KCNH1: variants seen among roughly 807,000 people sequenced by gnomAD.
KCNH1 encodes voltage-gated delayed rectifier potassium channel KCNH1.
Under a neutral mutation model 69.2 loss-of-function variants are expected in KCNH1, and 27 were observed. That is an observed-to-expected ratio of 0.39 (90% CI 0.29 to 0.54). The LOEUF (loss-of-function observed/expected upper bound fraction) is 0.54. KCNH1 is among the 20% of genes least tolerant of loss of function. KCNH1 has a pLI of 0.68. For missense variants in KCNH1, 798 were observed against 1,261.6 expected (o/e 0.63, Z 5.57); for synonymous variants, 456 against 487.7 (o/e 0.93, Z 0.86).
intron 5 of KCNH1, among the ~76,000 whole-genome samples, chr1:211,072,609 A>C (rs1343141016): frequency 6.6e-6 from 1 of 152,236 alleles, no homozygotes; most frequent in African/African-American, 2.4e-5. Flanking sequence ...GAGAGGAATT[A>C]GGAATATCTT....
At chr1:211,070,999 C>A (rs1036098790) in intron 5 of KCNH1, among the ~76,000 whole-genome samples, 1 of 152,078 alleles carries the variant, frequency 6.6e-6, no homozygotes, top group African/African-American at 2.4e-5. Flanking sequence ...GACCAGAAGC[C>A]TTACCAATAA....
At chr1:210,758,753 C>T (rs558376600) in intron 10 of KCNH1, among the ~76,000 whole-genome samples, 19 of 152,308 alleles carry the variant, frequency 1.2e-4, no homozygotes, top group Non-Finnish European at 2.2e-4. Flanking sequence ...GTGGCTCTTT[C>T]TGTTGGGGCT....
chr1:211,075,368 C>T (rs145088226), intron 5 of KCNH1, among the ~76,000 whole-genome samples: 19 of 152,336 alleles, frequency 1.2e-4, no homozygotes, highest in African/African-American at 4.1e-4. Context: ...TGCATATATT[C>T]AGAACATTCT....
intron 6 of KCNH1, among the ~76,000 whole-genome samples, chr1:210,926,918 A>G (rs1301365867): frequency 1.3e-5 from 2 of 152,188 alleles, no homozygotes; most frequent in Non-Finnish European, 2.9e-5. Context: ...GAGAAATGCA[A>G]AATGCACTGG....
chr1:210,833,384 T>TCTA (rs1466636956), intron 7 of KCNH1, among the ~76,000 whole-genome samples: 3 of 151,978 alleles, frequency 2.0e-5, no homozygotes, highest in Admixed American at 2.0e-4. Context: ...ATGCCACATA[T>TCTA]CTACCACTAT....
At chr1:210,996,530 C>G (rs898390290) in intron 6 of KCNH1, among the ~76,000 whole-genome samples, 1 of 152,252 alleles carries the variant, frequency 6.6e-6, no homozygotes, top group African/African-American at 2.4e-5. Flanking sequence ...GGAGGCCTGC[C>G]TGCCTCTGTA....
chr1:211,115,859 G>C (rs1691567809), intron 1 of KCNH1, among the ~76,000 whole-genome samples: 1 of 151,808 alleles, frequency 6.6e-6, no homozygotes, highest in Non-Finnish European at 1.5e-5. Flanking sequence ...TTTCAGCCAG[G>C]CATGGTGGCT....
chr1:210,746,915 AATG>A (rs1683174662), intron 10 of KCNH1, among the ~76,000 whole-genome samples: 2 of 152,150 alleles, frequency 1.3e-5, no homozygotes, highest in South Asian at 4.1e-4. Context: ...TTTTCTGCAG[AATG>A]GGACAGAGGA....
Position 211,120,795 on chromosome 1 carries a change from C to T in KCNH1, c.79+13072G>A, listed in dbSNP as rs11579711. Among the ~76,000 whole-genome samples, 154 of 152,034 alleles carry T rather than the reference C, an allele frequency of 1.0e-3. No homozygotes were observed. The South Asian group carries it at 0.013, about 13-fold the overall frequency. On this transcript the variant is annotated intron_variant, in intron 1 of 10. Transcript: ENST00000271751. ...TGTTTAGAAAACACCATCATCTCAG[C>T]CCAAAAACTTCTTGAATTGATTAGC...
chr1:211,054,045 A>C (rs1005590208), intron 5 of KCNH1, among the ~76,000 whole-genome samples: 1 of 151,960 alleles, frequency 6.6e-6, no homozygotes, highest in Non-Finnish European at 1.5e-5. Flanking sequence ...CAAGGCAGGC[A>C]GATCACCTGA....
chr1:210,699,850 G>A (rs1047773076), intron 10 of KCNH1, among the ~76,000 whole-genome samples: 2 of 152,152 alleles, frequency 1.3e-5, no homozygotes, highest in African/African-American at 4.8e-5. Context: ...AGGTGTTTGA[G>A]GCTACTAAGT....
At chr1:211,125,735 C>T (rs547455308) in intron 1 of KCNH1, among the ~76,000 whole-genome samples, 2 of 152,232 alleles carry the variant, frequency 1.3e-5, no homozygotes, top group African/African-American at 4.8e-5. Context: ...TATAGAAGCA[C>T]CTGATGTGAT....
intron 7 of KCNH1, among the ~76,000 whole-genome samples, chr1:210,818,325 T>C (rs1444437447): frequency 6.6e-6 from 1 of 152,170 alleles, no homozygotes; most frequent in African/African-American, 2.4e-5. Context: ...TAAGCCTACA[T>C]ATTTCTCATT....
chr1:211,031,069 A>T (rs996706003), intron 5 of KCNH1, among the ~76,000 whole-genome samples: 3 of 152,026 alleles, frequency 2.0e-5, no homozygotes, highest in Admixed American at 6.6e-5. Context: ...AATGGCTAAA[A>T]TTTTTTTTAA....
In KCNH1 at chr1:210,895,830, C is replaced by T. The variant is rs901383157; in HGVS notation, c.1462+23810G>A. Among the ~76,000 whole-genome samples the T allele has an allele frequency of 4.9e-4, 75 of 152,128 alleles. 1 individual carries two copies. Among genetic ancestry groups the T allele is most frequent in the Non-Finnish European group, 8.2e-4 (56 of 68,026 alleles). ...TGGCAGGACTGTCTCTCTGCTTTTG[C>T]TTTTCCAACAACGCCATATCACATT... On this transcript the variant is annotated intron_variant, in intron 7 of 10. Coordinates refer to ENST00000271751, the MANE Select transcript of KCNH1 (RefSeq NM_172362.3).
intron 10 of KCNH1, among the ~76,000 whole-genome samples, chr1:210,715,331 G>C (rs889845151): frequency 1.3e-5 from 2 of 152,082 alleles, no homozygotes; most frequent in African/African-American, 2.4e-5. Context: ...TCTTTGCCTT[G>C]AGCCTTAGGC....
At chr1:210,917,018 C>G (rs12030905) in intron 7 of KCNH1, among the ~76,000 whole-genome samples, 1 of 151,630 alleles carries the variant, frequency 6.6e-6, no homozygotes, top group East Asian at 2.0e-4. Context: ...TGTCATGGTG[C>G]GTGCCTATAA....
chr1:211,014,708 G>A (rs1206246051), intron 6 of KCNH1, among the ~76,000 whole-genome samples: 1 of 152,128 alleles, frequency 6.6e-6, no homozygotes, highest in Non-Finnish European at 1.5e-5. Context: ...TGGCACACAA[G>A]TCCACTGGCA....
At chr1:210,690,997 C>T (rs1310593480) in intron 10 of KCNH1, among the ~76,000 whole-genome samples, 2 of 152,162 alleles carry the variant, frequency 1.3e-5, no homozygotes, top group South Asian at 2.1e-4. Flanking sequence ...GGAAGTCAGG[C>T]GGACTTGGAT....
Sources: gnomAD v4.1 joint callset for allele counts (sites outside exome capture counted in the v4.1 genomes callset) on GRCh38, gnomAD v4.1.1 for gene constraint, MANE v1.5 for transcripts, NCBI Gene and HGNC (gene_info 2026-07-23, HGNC 2026-07-21) for gene names.